Variants in TMEM204 observed in about 807,000 individuals in gnomAD.
The protein encoded by TMEM204 is transmembrane protein 204, also known as claudin-like protein 24.
A neutral mutation model predicts 19.4 loss-of-function variants in TMEM204; 15 were observed. The observed-to-expected ratio is 0.77, with a 90% confidence interval of 0.52 to 1.19. TMEM204 has a LOEUF of 1.19. Among genes scored for constraint, TMEM204 ranks in the 50% most tolerant of loss-of-function variants. The pLI is 0.00. For synonymous variants in TMEM204, 161 were observed against 146.0 expected, an observed-to-expected ratio of 1.10 and a Z score of -0.74; for missense variants, 287 against 321.2, an observed-to-expected ratio of 0.89 and a Z score of 0.81.
At position 1,548,814 on chromosome 16, in the gene TMEM204, C is replaced by T. The variant is rs117949185; in HGVS notation, c.437-5968C>T. Among the ~76,000 whole-genome samples, 227 of 152,338 alleles carry T rather than the reference C, an allele frequency of 1.5e-3. 3 individuals are homozygous for T. The East Asian group carries it at 0.036, about 24-fold the overall frequency. On this transcript the variant is annotated intron_variant, in intron 2 of 2. Transcript: ENST00000566264. ...CAGCTGACTCAGTCACCTTCTTACG[C>T]GCGTCTGGAGGCCAAGGTTAGAGCA...
At chr16:1,541,422 C>A (rs1363760281) in intron 1 of TMEM204, 14 of 985,292 alleles carry the variant, frequency 1.4e-5, no homozygotes, top group African/African-American at 1.7e-5. Context: ...CCACCATGAG[C>A]CGCTTGGGGG....
At chr16:1,543,450 C>A (rs747196676) in intron 2 of TMEM204, among the ~76,000 whole-genome samples, 1 of 152,210 alleles carries the variant, frequency 6.6e-6, no homozygotes, top group Non-Finnish European at 1.5e-5. Flanking sequence ...GGGCAAGTCA[C>A]TTCCCCTGGC....
upstream of TMEM204, chr16:1,528,723 C>T (rs2030100843): frequency 6.5e-6 from 1 of 152,958 alleles, no homozygotes; most frequent in Non-Finnish European, 1.5e-5. Flanking sequence ...GCAGCCTCCC[C>T]GCTGGCACGG....
At chr16:1,547,223 C>T (rs1451967079) in intron 2 of TMEM204, among the ~76,000 whole-genome samples, 3 of 152,190 alleles carry the variant, frequency 2.0e-5, no homozygotes, top group African/African-American at 7.2e-5. Flanking sequence ...GACATGACAT[C>T]GGGGCACCAG....
Position 1,550,776 on chromosome 16 carries a change from G to C in TMEM204, c.437-4006G>C, listed in dbSNP as rs554975227. Among the ~76,000 whole-genome samples, 12 of 152,350 alleles carry C rather than the reference G, an allele frequency of 7.9e-5. No individual in the cohort carries two copies. The East Asian group carries it at 2.3e-3, about 29-fold the overall frequency. ...AAATGCCACCCTCTGGGGACACAGA[G>C]ATTAATGACTTCCCCATCTCTCTAA... On this transcript the variant is annotated intron_variant, in intron 2 of 2. Transcript: ENST00000566264.
At chr16:1,543,994 G>C (rs2141311977) in intron 2 of TMEM204, among the ~76,000 whole-genome samples, 1 of 152,046 alleles carries the variant, frequency 6.6e-6, no homozygotes, top group Admixed American at 6.5e-5. Context: ...CCTTCTGTAA[G>C]ATAACCCAAT....
upstream of TMEM204, among the ~76,000 whole-genome samples, chr16:1,529,465 A>C (rs1020664066): frequency 2.0e-5 from 3 of 152,186 alleles, no homozygotes; most frequent in Admixed American, 1.3e-4. Flanking sequence ...GGTGAAGGTG[A>C]CACCGGGTGC....
At chr16:1,539,735 C>T (rs1448601126) in intron 1 of TMEM204, among the ~76,000 whole-genome samples, 1 of 152,222 alleles carries the variant, frequency 6.6e-6, no homozygotes, top group Non-Finnish European at 1.5e-5. Flanking sequence ...CAGCTGCTGC[C>T]GCTTCCCATG....
In TMEM204 at chr16:1,544,899, C is replaced by T. The variant is rs543835230; in HGVS notation, c.436+2823C>T. On this transcript the variant is annotated intron_variant, in intron 2 of 2. Transcript: ENST00000566264. ...TCCTGACCTTGTGATCCGCCCGCCTCGGCCTCCCAAAGTGCTGGGATTACA... is the reference window on the plus strand; with the variant it reads ...TCCTGACCTTGTGATCCGCCCGCCTTGGCCTCCCAAAGTGCTGGGATTACA... Among the ~76,000 whole-genome samples, 91 of 151,708 alleles carry T rather than the reference C, an allele frequency of 6.0e-4. 2 individuals carry two copies. The East Asian group carries it at 0.013, about 22-fold the overall frequency.
At chr16:1,530,126 C>T (rs915409315), upstream of TMEM204, among the ~76,000 whole-genome samples, 5 of 131,468 alleles carry the variant, frequency 3.8e-5, no homozygotes, top group African/African-American at 6.9e-5. Context: ...GACTTCACGA[C>T]GGGAATCTTT....
chr16:1,554,556 G>A (rs2032936251), intron 2 of TMEM204, among the ~76,000 whole-genome samples: 1 of 152,206 alleles, frequency 6.6e-6, no homozygotes, highest in South Asian at 2.1e-4. Context: ...AGCCACAGAA[G>A]GGCTAATACA....
At chr16:1,535,811 G>A (rs1567342131) in intron 1 of TMEM204, among the ~76,000 whole-genome samples, 1 of 152,210 alleles carries the variant, frequency 6.6e-6, no homozygotes, top group Non-Finnish European at 1.5e-5. Context: ...TCACCAGCAG[G>A]GACCAACAGC....
At chr16:1,536,722 C>T (rs1465832933) in intron 1 of TMEM204, among the ~76,000 whole-genome samples, 3 of 152,290 alleles carry the variant, frequency 2.0e-5, no homozygotes, top group South Asian at 2.1e-4. Context: ...CTCCCTTGGC[C>T]GTGCTGGTGT....
chr16:1,537,422 C>G (rs1226556024), intron 1 of TMEM204, among the ~76,000 whole-genome samples: 2 of 152,232 alleles, frequency 1.3e-5, no homozygotes, highest in Admixed American at 6.5e-5. Context: ...GCCTGAGGGA[C>G]AGGGGACGCG....
intron 1 of TMEM204, among the ~76,000 whole-genome samples, chr16:1,537,834 CT>C (rs1036525572): frequency 3.9e-5 from 6 of 152,244 alleles, no homozygotes; most frequent in African/African-American, 1.4e-4. Context: ...AGCCCCACCC[CT>C]CTCTCCGGTG....
chr16:1,534,245 C>T lies in TMEM204; in HGVS notation c.-31C>T. ...CGGCCGCGGACTGGGACTTGGCTTT[C>T]TCCGGATAAGCGGCGGCACCGGCGT... is the stretch of plus-strand genomic sequence containing the variant. On this transcript the variant is annotated 5_prime_UTR_variant, in exon 1 of 3. Transcript: ENST00000566264. 1 of 1,605,952 alleles carries T rather than the reference C, an allele frequency of 6.2e-7. No individual in the cohort carries two copies. Among genetic ancestry groups the T allele is most frequent in the Non-Finnish European group, 8.5e-7 (1 of 1,178,968 alleles).
intron 2 of TMEM204, 46 bp from the exon 3 acceptor site, chr16:1,554,736 C>T (rs1412759776): frequency 1.4e-5 from 23 of 1,602,768 alleles, no homozygotes; most frequent in East Asian, 6.7e-5. Flanking sequence ...GAGTGGAACC[C>T]GCCTTCCTCT....
chr16:1,554,079 A>C (rs2032894868), intron 2 of TMEM204: 1 of 1,287,174 alleles, frequency 7.8e-7, no homozygotes, highest in Non-Finnish European at 1.0e-6. Context: ...AAAATCTGCC[A>C]GGGAGGAGGG....
At position 1,551,445 on chromosome 16, in the gene TMEM204, C is replaced by T. The variant is rs1466595824; in HGVS notation, c.437-3337C>T. Among the ~76,000 whole-genome samples, 1 of 152,134 alleles carries T rather than the reference C, an allele frequency of 6.6e-6. No individual in the cohort carries two copies. Among genetic ancestry groups the T allele is most frequent in the Non-Finnish European group, 1.5e-5 (1 of 68,022 alleles). ...AGGGGTGGAAAGGGCCACTGGGCCC[C>T]AGGGTGGCAGAAGGGCGGCCGCAGG... On this transcript the variant is annotated intron_variant, in intron 2 of 2. Transcript: ENST00000566264. The surrounding 1 kb of genome is among the most constrained non-coding windows in gnomAD (Gnocchi z 4.0).
Sources: allele counts gnomAD v4.1 joint callset (sites outside exome capture counted in the v4.1 genomes callset), GRCh38; gene constraint gnomAD v4.1.1; non-coding constraint Gnocchi (gnomAD v3.1); transcripts MANE v1.5; gene names NCBI Gene and HGNC (gene_info 2026-07-23, HGNC 2026-07-21).